Variants in TNKS observed in about 807,000 individuals in gnomAD.
The protein encoded by TNKS is poly [ADP-ribose] polymerase tankyrase-1.
TNKS carries 72 observed loss-of-function variants against 135.8 expected under a neutral mutation model. The observed-to-expected ratio is 0.53, with a 90% CI of 0.44 to 0.64. The LOEUF (loss-of-function observed/expected upper bound fraction) is 0.64. TNKS is among the 30% of genes least tolerant of loss of function. TNKS has a pLI of 0.00. For synonymous variants in TNKS, 849 were observed against 649.3 expected (o/e 1.31, Z -4.68); for missense variants, 1,769 against 1,674.0 (o/e 1.06, Z -0.99).
chr8:9,690,660 C>A (rs982700295), intron 5 of TNKS, among the ~76,000 whole-genome samples: 1 of 151,828 alleles, frequency 6.6e-6, no homozygotes, highest in Non-Finnish European at 1.5e-5. Context: ...GAGGCTGAGG[C>A]AGGAGAATCA....
Position 9,704,619 on chromosome 8 carries a change from G to A in TNKS, c.1108-44G>A, listed in dbSNP as rs777085338. 33 of 1,487,410 alleles carry A rather than the reference G, an allele frequency of 2.2e-5. No individual in the cohort carries two copies. The Middle Eastern group carries it at 1.2e-3, about 55-fold the overall frequency. The allele number at this position is 1,487,410 out of a possible 1,614,324, so 92.1% of individuals were successfully genotyped here. On this transcript the variant is annotated intron_variant, in intron 5 of 26. Coordinates refer to ENST00000310430, the MANE Select transcript of TNKS (RefSeq NM_003747.3). ...AAATGGCAAAGCAAGGATTTTCTTT[G>A]TTTGTTTGTTTTTACCTGAAAAGGG...
intron 2 of TNKS, among the ~76,000 whole-genome samples, chr8:9,590,408 A>G (rs1326881277): frequency 6.6e-6 from 1 of 152,014 alleles, no homozygotes; most frequent in Non-Finnish European, 1.5e-5. Context: ...TGTTTGTTTG[A>G]TTACTCTTTT....
At chr8:9,650,571 T>C (rs1441856619) in intron 3 of TNKS, among the ~76,000 whole-genome samples, 2 of 152,184 alleles carry the variant, frequency 1.3e-5, no homozygotes, top group Admixed American at 1.3e-4. Context: ...GATAGTAATG[T>C]TGAGCATTTT....
intron 1 of TNKS, among the ~76,000 whole-genome samples, chr8:9,565,401 T>C (rs1380379609): frequency 1.3e-5 from 2 of 152,206 alleles, no homozygotes; most frequent in African/African-American, 2.4e-5. Context: ...TTTGGACTTG[T>C]TTATTTTTTC....
rs932429849 is a variant in TNKS, at chr8:9,701,179, C to T, written c.1108-3484C>T. On this transcript the variant is annotated intron_variant, in intron 5 of 26. Transcript: ENST00000310430. ...GTCTCGATCTCCTGACTTCGTGATC[C>T]GCCCGCCTCAGCCTCCCAAAGTGCT... is the stretch of plus-strand genomic sequence containing the variant. 8.5e-5 allele frequency among the ~76,000 whole-genome samples: 13 copies of T among 152,088 alleles called. 1 individual carries two copies. The highest frequency in any genetic ancestry group is 3.9e-4 in the East Asian group (2 of 5,194).
intron 15 of TNKS, 95 bp from the exon 16 acceptor site, chr8:9,734,770 A>G: frequency 9.3e-7 from 1 of 1,079,546 alleles, no homozygotes; most frequent in South Asian, 1.6e-5. Flanking sequence ...TATCTTCCCC[A>G]GAGGAACAAA....
At chr8:9,686,287 C>G (rs1473551336) in intron 5 of TNKS, among the ~76,000 whole-genome samples, 3 of 152,130 alleles carry the variant, frequency 2.0e-5, no homozygotes, top group Admixed American at 1.3e-4. Flanking sequence ...AGCCAACAGA[C>G]CCACCTGAGT....
chr8:9,653,802 T>C (rs1008553795), intron 3 of TNKS, among the ~76,000 whole-genome samples: 1 of 152,310 alleles, frequency 6.6e-6, no homozygotes, highest in East Asian at 1.9e-4. Context: ...CTCTGCCCTT[T>C]CTTTCTGCTG....
intron 1 of TNKS, among the ~76,000 whole-genome samples, chr8:9,576,466 C>CTTTT (rs915555599): frequency 3.0e-5 from 4 of 131,468 alleles, no homozygotes; most frequent in African/African-American, 5.6e-5. Context: ...CCACCCCCCT[C>CTTTT]TTTTTTTTTT....
chr8:9,631,104 A>G (rs1239275494), intron 3 of TNKS, among the ~76,000 whole-genome samples: 3 of 152,232 alleles, frequency 2.0e-5, no homozygotes, highest in African/African-American at 4.8e-5. Context: ...TTGGCTAAGT[A>G]TTAGAAGCCT....
chr8:9,584,435 C>G (rs955565650), intron 2 of TNKS, among the ~76,000 whole-genome samples: 1 of 152,188 alleles, frequency 6.6e-6, no homozygotes, highest in African/African-American at 2.4e-5. Flanking sequence ...AGTAAGGAAT[C>G]ATATATAGCA....
chr8:9,706,793 T>C lies in TNKS; in HGVS notation c.1270-18T>C. 6.3e-7 allele frequency: 1 copy of C among 1,581,592 alleles called. No individual in the cohort carries two copies. ...GCAAAATGATTACTGACCTAAAATGTTTTTTTTCTCAATTCAGCATGGAGC... is the reference window on the plus strand; with the variant it reads ...GCAAAATGATTACTGACCTAAAATGCTTTTTTTCTCAATTCAGCATGGAGC... On this transcript the variant is annotated intron_variant, in intron 7 of 26. Coordinates refer to ENST00000310430, the MANE Select transcript of TNKS (RefSeq NM_003747.3).
At chr8:9,579,886 T>A (rs7821799) in intron 1 of TNKS, among the ~76,000 whole-genome samples, 2 of 152,134 alleles carry the variant, frequency 1.3e-5, no homozygotes, top group East Asian at 1.9e-4. Context: ...CATATTTATT[T>A]TGTGTTTCTA....
chr8:9,640,957 C>G (rs1227766996), intron 3 of TNKS, among the ~76,000 whole-genome samples: 2 of 145,916 alleles, frequency 1.4e-5, no homozygotes, highest in Non-Finnish European at 3.0e-5. Flanking sequence ...CTAATAGCAT[C>G]CAATCCAGAA....
At chr8:9,570,625 C>A (rs968663942) in intron 1 of TNKS, among the ~76,000 whole-genome samples, 7 of 152,220 alleles carry the variant, frequency 4.6e-5, no homozygotes, top group Admixed American at 4.6e-4. Flanking sequence ...GGCCTCAATC[C>A]TCTATATGGC....
intron 16 of TNKS, 63 bp from the exon 17 acceptor site, chr8:9,735,314 A>T: frequency 7.0e-7 from 1 of 1,436,248 alleles, no homozygotes. Context: ...TCCTTATTAC[A>T]TATGTATGTA....
chr8:9,749,673 G>T (rs1040135707), intron 18 of TNKS, among the ~76,000 whole-genome samples: 1 of 151,920 alleles, frequency 6.6e-6, no homozygotes, highest in Non-Finnish European at 1.5e-5. Flanking sequence ...TAGAGACAGG[G>T]TCTTGCTATG....
rs150487141 is a variant in TNKS at position 9,560,262 on chromosome 8, G to C, written c.673+3650G>C. Among the ~76,000 whole-genome samples, 58 of 152,036 alleles carry C rather than the reference G, an allele frequency of 3.8e-4. 1 individual carries two copies. The East Asian group carries it at 9.1e-3, about 24-fold the overall frequency. On this transcript the variant is annotated intron_variant, in intron 1 of 26. Transcript: ENST00000310430. ...GCCTTAGTAAAACATTAAATTCTGA[G>C]ATTTTATAGTATTTACATGAAATTG...
chr8:9,620,669 A>G (rs1799831952), intron 3 of TNKS, among the ~76,000 whole-genome samples: 1 of 152,162 alleles, frequency 6.6e-6, no homozygotes, highest in Non-Finnish European at 1.5e-5. Context: ...CAAGCAGATG[A>G]AACCTTATTC....
Sources: allele counts gnomAD v4.1 joint callset (sites outside exome capture counted in the v4.1 genomes callset), GRCh38; gene constraint gnomAD v4.1.1; transcripts MANE v1.5; gene names NCBI Gene and HGNC (gene_info 2026-07-23, HGNC 2026-07-21).